Variants in SLC12A6 observed in about 807,000 individuals in gnomAD.
The protein encoded by SLC12A6 is K-Cl cotransporter 3.
In SLC12A6, 66 loss-of-function variants were observed where a neutral mutation model predicts 135.3. The ratio of observed to expected loss-of-function variants is 0.49; its 90% CI spans 0.40 to 0.60. The LOEUF (loss-of-function observed/expected upper bound fraction) is 0.60. Ranked by LOEUF, SLC12A6 falls within the 20% of genes least tolerant of loss-of-function variation. The probability of loss-of-function intolerance (pLI) is 0.00; values close to 1 mark genes in which losing one functional copy is unlikely to be tolerated. For missense variants in SLC12A6, 1,058 were observed against 1,452.3 expected (o/e 0.73, Z 4.41); for synonymous variants, 513 against 508.8 (o/e 1.01, Z -0.11).
At chr15:34,335,415 T>G (rs772817727) in intron 2 of SLC12A6, among the ~76,000 whole-genome samples, 5 of 152,240 alleles carry the variant, frequency 3.3e-5, no homozygotes, top group African/African-American at 4.8e-5. Flanking sequence ...TGAGTAAGCC[T>G]TGCTTTCACA....
rs79287941 is a variant in SLC12A6 at position 34,245,209 on chromosome 15, T to C, written c.1943+76A>G. ...TAGCCCACTCTGTTATCACTACTGT[T>C]ATATGACTGATGGAAATAAACATGC... On this transcript the variant is annotated intron_variant, in intron 15 of 25. Transcript: ENST00000354181. 1.5e-3 allele frequency: 1,301 copies of C among 856,546 alleles called. 15 individuals carry two copies. In the African/African-American group the frequency reaches 0.018, roughly 12 times the overall value. The allele number at this position is 856,546 out of a possible 1,614,324, so 53.1% of individuals were successfully genotyped here. A position where few individuals can be genotyped will look rare whatever the true frequency, so the allele number is the denominator to read the frequency against.
intron 2 of SLC12A6, among the ~76,000 whole-genome samples, chr15:34,282,799 ATTTG>A (rs535303880): frequency 9.4e-4 from 143 of 152,324 alleles, no homozygotes; most frequent in African/African-American, 3.2e-3. Context: ...GTCATGGGGT[ATTTG>A]TTAAACTACA....
chr15:34,272,997 A>G (rs1048278904), intron 3 of SLC12A6, among the ~76,000 whole-genome samples: 6 of 152,216 alleles, frequency 3.9e-5, no homozygotes, highest in Non-Finnish European at 4.4e-5. Flanking sequence ...ATCCAAATAT[A>G]AAATTTTTAT....
At chr15:34,298,241 C>A (rs1896005673) in intron 2 of SLC12A6, among the ~76,000 whole-genome samples, 1 of 152,032 alleles carries the variant, frequency 6.6e-6, no homozygotes, top group Non-Finnish European at 1.5e-5. Flanking sequence ...CTTTGGGAGG[C>A]CGAGGCAGGT....
chr15:34,235,050 G>A, intron 25 of SLC12A6, 131 bp downstream of exon 25: 1 of 872,040 alleles, frequency 1.1e-6, no homozygotes, highest in Admixed American at 1.8e-5. Flanking sequence ...TCCTTGCCTA[G>A]GACTTTTAAG....
chr15:34,250,150 C>CT, intron 13 of SLC12A6, 148 bp downstream of exon 13: 1 of 715,896 alleles, frequency 1.4e-6, no homozygotes, highest in East Asian at 2.7e-5. Flanking sequence ...TGCAATCCAC[C>CT]TGCCTTGGCC....
chr15:34,234,024 T>G (rs780397219), intron 25 of SLC12A6, 52 bp from the exon 26 acceptor site: 2 of 902,318 alleles, frequency 2.2e-6, no homozygotes, highest in South Asian at 2.6e-5. Context: ...ACTTAAAACC[T>G]GGCATCATCA....
intron 25 of SLC12A6, among the ~76,000 whole-genome samples, chr15:34,234,755 C>T (rs192653875): frequency 6.6e-6 from 1 of 152,228 alleles, no homozygotes; most frequent in East Asian, 1.9e-4. Context: ...TCCCAGGAGT[C>T]CTGGGATGAA....
At chr15:34,310,174 A>AGTGTGTGTGTGTGT (rs60783164) in intron 2 of SLC12A6, among the ~76,000 whole-genome samples, 33 of 127,800 alleles carry the variant, frequency 2.6e-4, no homozygotes, top group African/African-American at 7.4e-4. Flanking sequence ...ACGCCCAGCT[A>AGTGTGTGTGTGTGT]GTGTGTGTGT....
intron 2 of SLC12A6, among the ~76,000 whole-genome samples, chr15:34,279,352 A>C (rs963107467): frequency 1.3e-5 from 2 of 152,074 alleles, no homozygotes; most frequent in Admixed American, 6.6e-5. Context: ...CAAAACAAAA[A>C]AAACAAAGAA....
Position 34,258,834 on chromosome 15 carries a change from T to G in SLC12A6, c.522A>C (p.Glu174Asp), listed in dbSNP as rs1346231017. The change falls in exon 5 of 26, where the codon GAA becomes GAC. Residue 174 changes from glutamate to aspartate, a missense_variant. Glu to Asp is a conservative substitution (Grantham distance 45). This residue lies in a region of SLC12A6 where 139 missense variants were observed against 202.2 expected (regional missense o/e 0.69). Transcript: ENST00000354181. The stretch of plus-strand genomic sequence containing the variant: ...TCACCTTGGTGGGCTTCTTTTTCCC[T>G]TCAGTGATGTTTTCTGCCTCTTCAT... ...KEHEEAENITEGKKKPTKTPQ... is the reference protein window; with the variant it reads ...KEHEEAENITDGKKKPTKTPQ... 6.2e-7 allele frequency: 1 copy of G among 1,613,464 alleles called. No homozygotes were observed. Among genetic ancestry groups the G allele is most frequent in the Non-Finnish European group, 8.5e-7 (1 of 1,179,516 alleles).
intron 2 of SLC12A6, among the ~76,000 whole-genome samples, chr15:34,289,281 T>C (rs1266923611): frequency 6.6e-6 from 1 of 152,220 alleles, no homozygotes; most frequent in Non-Finnish European, 1.5e-5. Context: ...ATATGTTGGA[T>C]TACGTTTATT....
chr15:34,336,953 C>A (rs1890241135), intron 1 of SLC12A6: 1 of 475,216 alleles, frequency 2.1e-6, no homozygotes. Context: ...TCTTGTGTGA[C>A]TTCTTTCCTT....
intron 18 of SLC12A6, 25 bp from the exon 19 acceptor site, chr15:34,240,854 G>C: frequency 2.5e-6 from 4 of 1,593,306 alleles, no homozygotes; most frequent in Non-Finnish European, 2.6e-6. Flanking sequence ...GTGGGGGTTG[G>C]AGGGGAGGAG....
At position 34,238,377 on chromosome 15, in the gene SLC12A6, G is replaced by A. The variant is rs759572761; in HGVS notation, c.2657C>T (p.Ala886Val). The A allele has an allele frequency of 6.2e-7, 1 of 1,613,798 alleles. No homozygotes were observed. The highest frequency in any genetic ancestry group is 1.1e-5 in the South Asian group (1 of 91,080). Reference sequence around the variant, plus strand: ...TTTAGCCACCAGCAGTGCAAGATGGGCAGCAGTTGTCACTCGAACTGTGCC... The same window carrying A: ...TTTAGCCACCAGCAGTGCAAGATGGACAGCAGTTGTCACTCGAACTGTGCC... ...FIGTVRVTTA[A>V]HLALLVAKNI... Residue 886 changes from alanine to valine, a missense_variant, in exon 21 of 26, where the codon GCC becomes GTC. Around this residue, in one of 6 missense-constraint regions of SLC12A6, gnomAD observed 245 missense variants for 440.8 expected, o/e 0.56. Coordinates refer to ENST00000354181, the MANE Select transcript of SLC12A6 (RefSeq NM_001365088.1).
intron 2 of SLC12A6, among the ~76,000 whole-genome samples, chr15:34,297,883 AC>A (rs1462018905): frequency 6.6e-6 from 1 of 152,196 alleles, no homozygotes; most frequent in East Asian, 1.9e-4. Flanking sequence ...AAACATGAGT[AC>A]AAAAATGCAA....
chr15:34,309,491 G>T (rs1887995514), intron 2 of SLC12A6, among the ~76,000 whole-genome samples: 1 of 152,094 alleles, frequency 6.6e-6, no homozygotes, highest in Non-Finnish European at 1.5e-5. Flanking sequence ...TTGACAGAAG[G>T]TTGGTATACT....
chr15:34,303,177 G>A (rs577581005), intron 2 of SLC12A6, among the ~76,000 whole-genome samples: 2 of 151,936 alleles, frequency 1.3e-5, no homozygotes, highest in African/African-American at 2.4e-5. Context: ...GGAATTAGGG[G>A]GACTAAGAGA....
chr15:34,231,590 TTC>T lies in SLC12A6; in HGVS notation c.*2289_*2290del, dbSNP rs770449723. ...AAAATTACTCAATTTCTTTCTTTCT[TTC>T]TTTTTTTTTTTTTTTGAGATGGAGT... On this transcript the variant is annotated 3_prime_UTR_variant, in exon 26 of 26. Transcript: ENST00000354181. 36 of 118,098 alleles carry T rather than the reference TTC, an allele frequency of 3.0e-4. No individual in the cohort carries two copies. Among genetic ancestry groups the T allele is most frequent in the Non-Finnish European group, 2.9e-4 (16 of 54,600 alleles). The allele number at this position is 118,098 out of a possible 1,614,324, so 7.3% of individuals were successfully genotyped here. A position where few individuals can be genotyped will look rare whatever the true frequency, so the allele number is the denominator to read the frequency against.
Sources: gnomAD v4.1 joint callset for allele counts (sites outside exome capture counted in the v4.1 genomes callset) on GRCh38, gnomAD v4.1.1 for gene constraint, gnomAD v4.1.1 regional missense constraint, MANE v1.5 for transcripts, NCBI Gene and HGNC (gene_info 2026-07-23, HGNC 2026-07-21) for gene names.